The following ARHGAP12 variants were observed in gnomAD, a reference collection of about 807,000 sequenced individuals.
ARHGAP12 encodes the protein Rho GTPase activating protein 12, also known as rho GTPase-activating protein 12.
Under a neutral mutation model 108.6 loss-of-function variants are expected in ARHGAP12, and 64 were observed. The observed-to-expected ratio is 0.59, with a 90% CI of 0.48 to 0.73. The LOEUF (loss-of-function observed/expected upper bound fraction) is 0.73. ARHGAP12 is among the 30% of genes least tolerant of loss of function. The pLI, the probability that ARHGAP12 is intolerant of heterozygous loss-of-function variation, is 0.00. For missense variants in ARHGAP12, 940 were observed against 1,005.9 expected (o/e 0.93, Z 0.89); for synonymous variants, 312 against 337.2 (o/e 0.93, Z 0.82).
chr10:31,830,857 CTT>C, intron 10 of ARHGAP12, among the ~76,000 whole-genome samples: 1 of 152,308 alleles, frequency 6.6e-6, no homozygotes, highest in South Asian at 2.1e-4. Context: ...CATTTTCTCT[CTT>C]CTCTCTCCTG....
chr10:31,816,790 T>C (rs72786794), intron 13 of ARHGAP12, among the ~76,000 whole-genome samples: 36,037 of 152,068 alleles, frequency 0.24, 4,544 homozygotes, highest in Non-Finnish European at 0.29. Flanking sequence ...TTACTCTTAT[T>C]TTGGTATTAA....
intron 3 of ARHGAP12, among the ~76,000 whole-genome samples, chr10:31,866,781 A>G (rs909285220): frequency 2.0e-5 from 3 of 151,896 alleles, no homozygotes; most frequent in African/African-American, 7.3e-5. Context: ...ATGCCCGGCT[A>G]ATTTTATATT....
intron 3 of ARHGAP12, among the ~76,000 whole-genome samples, chr10:31,879,093 G>C (rs913694507): frequency 1.3e-5 from 2 of 152,136 alleles, no homozygotes; most frequent in Admixed American, 1.3e-4. Flanking sequence ...TAATTTACAT[G>C]TAAGGTTTAA....
intron 1 of ARHGAP12, among the ~76,000 whole-genome samples, chr10:31,921,972 C>T (rs553515328): frequency 1.3e-5 from 2 of 151,458 alleles, no homozygotes; most frequent in Non-Finnish European, 2.9e-5. Context: ...GGCAGATCAT[C>T]TGAGCTTAGA....
At chr10:31,820,656 C>A (rs1305023882) in intron 11 of ARHGAP12, among the ~76,000 whole-genome samples, 168 bp from the exon 12 acceptor site, 6 of 149,806 alleles carry the variant, frequency 4.0e-5, no homozygotes, top group African/African-American at 1.2e-4. Flanking sequence ...TGAAAAATAT[C>A]TAGAATATAT....
chr10:31,868,919 AT>A (rs1837436507), intron 3 of ARHGAP12, among the ~76,000 whole-genome samples: 9 of 152,186 alleles, frequency 5.9e-5, no homozygotes, highest in Admixed American at 5.9e-4. Context: ...CCCTGTCTCA[AT>A]AAATACATAT....
intron 4 of ARHGAP12, among the ~76,000 whole-genome samples, chr10:31,857,467 T>C (rs1836930107): frequency 6.6e-6 from 1 of 152,130 alleles, no homozygotes; most frequent in African/African-American, 2.4e-5. Flanking sequence ...GGTTAAACAT[T>C]CATCTAATCA....
intron 3 of ARHGAP12, among the ~76,000 whole-genome samples, chr10:31,878,711 C>A (rs1383509499): frequency 3.3e-5 from 5 of 152,176 alleles, no homozygotes; most frequent in Non-Finnish European, 7.4e-5. Flanking sequence ...TGGCTATGCA[C>A]TTAGGTTCTC....
intron 3 of ARHGAP12, among the ~76,000 whole-genome samples, chr10:31,900,833 ATT>A (rs34680422): frequency 4.7e-4 from 71 of 150,966 alleles, no homozygotes; most frequent in African/African-American, 1.5e-3. Context: ...ATGTATGCAA[ATT>A]TTTTTTTTAA....
At chr10:31,857,062 TATCTGATTCAAATCATTC>T (rs148535314) in intron 4 of ARHGAP12, among the ~76,000 whole-genome samples, 7,632 of 152,200 alleles carry the variant, frequency 0.05, 641 homozygotes, top group African/African-American at 0.17. Flanking sequence ...AATAAAGCAT[TATCTGATTCAAATCATTC>T]ATCTGATTCA....
At chr10:31,881,353 A>G (rs1215049424) in intron 3 of ARHGAP12, among the ~76,000 whole-genome samples, 1 of 152,204 alleles carries the variant, frequency 6.6e-6, no homozygotes, top group Admixed American at 6.5e-5. Flanking sequence ...CAGACACATA[A>G]GAGGCCAACA....
rs141810193 is a variant in ARHGAP12, at chr10:31,898,462, G to A, written c.684+9710C>T. 3.0e-4 allele frequency among the ~76,000 whole-genome samples: 45 copies of A among 152,224 alleles called. No homozygotes were observed. The East Asian group carries it at 8.3e-3, about 28-fold the overall frequency. Reference sequence around the variant, plus strand: ...ATTGGAACCCTAATGCATTGCTGGTGGGATGGTCCTGATCTCTTGACCTCG... The same window carrying A: ...ATTGGAACCCTAATGCATTGCTGGTAGGATGGTCCTGATCTCTTGACCTCG... On this transcript the variant is annotated intron_variant, in intron 3 of 19. Coordinates refer to ENST00000344936, the MANE Select transcript of ARHGAP12 (RefSeq NM_018287.7).
At chr10:31,886,733 AAAT>A (rs1318698442) in intron 3 of ARHGAP12, among the ~76,000 whole-genome samples, 5 of 152,106 alleles carry the variant, frequency 3.3e-5, no homozygotes, top group Non-Finnish European at 7.3e-5. Flanking sequence ...TCTCCCCCTC[AAAT>A]AATGTGATTC....
rs541242193 is a variant in ARHGAP12, at chr10:31,869,713, T to C, written c.685-8055A>G. ...TGGCCTGTTCTACTTTATCTATAGA[T>C]AGACTAAAATAATCCTCCCATTATC... On this transcript the variant is annotated intron_variant, in intron 3 of 19. Coordinates refer to ENST00000344936, the MANE Select transcript of ARHGAP12 (RefSeq NM_018287.7). Among the ~76,000 whole-genome samples the C allele has an allele frequency of 1.2e-4, 18 of 152,334 alleles. No homozygotes were observed. The East Asian group carries it at 2.5e-3, about 21-fold the overall frequency.
chr10:31,844,123 C>T (rs1469465237), intron 6 of ARHGAP12, among the ~76,000 whole-genome samples: 1 of 152,268 alleles, frequency 6.6e-6, no homozygotes, highest in East Asian at 1.9e-4. Flanking sequence ...CCTTTCTAGG[C>T]TATGTGAGTT....
At chr10:31,830,049 T>G (rs1835773176) in intron 10 of ARHGAP12, among the ~76,000 whole-genome samples, 1 of 152,208 alleles carries the variant, frequency 6.6e-6, no homozygotes, top group African/African-American at 2.4e-5. Flanking sequence ...TCATGGAAAT[T>G]TTTTGTCTTA....
In ARHGAP12 at chr10:31,817,894, G is replaced by A; in HGVS notation, c.1633-8C>T. 1 of 1,599,784 alleles carries A rather than the reference G, an allele frequency of 6.3e-7. No individual in the cohort carries two copies. Among genetic ancestry groups the A allele is most frequent in the Middle Eastern group, 1.7e-4 (1 of 6,016 alleles). ...TCCTTGACGAGTTTTCAGCTTTAGA[G>A]AAAAGCAGGGAGAAAAAAGAGTATG... On this transcript the variant is annotated splice_polypyrimidine_tract_variant and splice_region_variant and intron_variant, in intron 12 of 19. Coordinates refer to ENST00000344936, the MANE Select transcript of ARHGAP12 (RefSeq NM_018287.7).
At chr10:31,807,884 T>G (rs1408170225) in intron 19 of ARHGAP12, 52 bp from the exon 20 acceptor site, 1 of 1,340,790 alleles carries the variant, frequency 7.5e-7, no homozygotes, top group Non-Finnish European at 9.9e-7. Context: ...AGAGGGAAAA[T>G]TCTTCAAATG....
At position 31,908,103 on chromosome 10, in the gene ARHGAP12, C is replaced by CAAA. The variant is rs1210131422; in HGVS notation, c.684+68_684+69insTTT. 2.9e-6 allele frequency: 4 copies of CAAA among 1,401,284 alleles called. No individual in the cohort carries two copies. The African/African-American group carries it at 5.8e-5, about 20-fold the overall frequency. 86.8% of individuals were successfully genotyped at this position (1,401,284 alleles called of 1,614,324 possible). ...CAAGTCTTAACTCTTACAAATATTT[C>CAAA]AATTAAAACTATAACTAATATTTTC... is the stretch of plus-strand genomic sequence containing the variant. On this transcript the variant is annotated intron_variant, in intron 3 of 19. Transcript: ENST00000344936.
Sources: gnomAD v4.1 joint callset for allele counts (sites outside exome capture counted in the v4.1 genomes callset) on GRCh38, gnomAD v4.1.1 for gene constraint, MANE v1.5 for transcripts, NCBI Gene and HGNC (gene_info 2026-07-23, HGNC 2026-07-21) for gene names.